GLRA3: variants seen among roughly 807,000 people sequenced by gnomAD.
GLRA3 encodes glycine receptor subunit alpha-3.
In GLRA3, 44 loss-of-function variants were observed where a neutral mutation model predicts 60.4. The ratio of observed to expected loss-of-function variants is 0.73; its 90% CI spans 0.57 to 0.94. The LOEUF (loss-of-function observed/expected upper bound fraction) is 0.94, where lower values mean the gene tolerates loss of function less well. Among genes scored for constraint, GLRA3 ranks in the 40% least tolerant of loss-of-function variants. The pLI is 0.00. For missense variants in GLRA3, 508 were observed against 564.6 expected, an observed-to-expected ratio of 0.90 and a Z score of 1.02; for synonymous variants, 223 against 192.9, an observed-to-expected ratio of 1.16 and a Z score of -1.29.
chr4:174,697,593 C>G (rs536249057), intron 5 of GLRA3, among the ~76,000 whole-genome samples: 1 of 152,290 alleles, frequency 6.6e-6, no homozygotes, highest in South Asian at 2.1e-4. Context: ...TAAGCATCTT[C>G]TTAGCAATTA....
chr4:174,713,197 C>T (rs1254956527), intron 5 of GLRA3, among the ~76,000 whole-genome samples: 1 of 151,962 alleles, frequency 6.6e-6, no homozygotes, highest in South Asian at 2.1e-4. Context: ...TATTAAAGAA[C>T]CCCTTGAACA....
chr4:174,642,698 G>C lies in GLRA3; in HGVS notation c.*1088C>G, dbSNP rs10015191. ...ATAGAAAAAGAGTCCTCACTTTATA[G>C]AAATGACTTACTTATATCATTTAAA... On this transcript the variant is annotated 3_prime_UTR_variant, in exon 10 of 10. Coordinates refer to ENST00000274093, the MANE Select transcript of GLRA3 (RefSeq NM_006529.4). The C allele has an allele frequency of 1.7e-3, 1,283 of 733,550 alleles. 11 individuals carry two copies. In the African/African-American group the frequency reaches 0.022, roughly 13 times the overall value. 45.4% of individuals were successfully genotyped at this position (733,550 alleles called of 1,614,324 possible).
chr4:174,795,646 A>G (rs1196621742), intron 1 of GLRA3, among the ~76,000 whole-genome samples: 2 of 152,232 alleles, frequency 1.3e-5, no homozygotes, highest in Non-Finnish European at 2.9e-5. Context: ...ATCCTTTCTT[A>G]TACCATAATG....
intron 5 of GLRA3, among the ~76,000 whole-genome samples, chr4:174,691,359 G>A (rs1280980725): frequency 6.6e-6 from 1 of 151,930 alleles, no homozygotes; most frequent in African/African-American, 2.4e-5. Context: ...AAAAGTGTCT[G>A]TTTGTCCCCT....
At chr4:174,766,500 T>C (rs1044141079) in intron 3 of GLRA3, among the ~76,000 whole-genome samples, 4 of 152,148 alleles carry the variant, frequency 2.6e-5, no homozygotes, top group African/African-American at 9.6e-5. Flanking sequence ...TAAAATGTTT[T>C]CAAATACAGT....
chr4:174,747,895 CAATA>C (rs1399555984), intron 3 of GLRA3, among the ~76,000 whole-genome samples: 3 of 152,072 alleles, frequency 2.0e-5, no homozygotes, highest in Non-Finnish European at 4.4e-5. Flanking sequence ...TATGCTGTTC[CAATA>C]ACATTATAGC....
At chr4:174,675,202 A>C (rs572410436) in intron 7 of GLRA3, among the ~76,000 whole-genome samples, 1 of 152,262 alleles carries the variant, frequency 6.6e-6, no homozygotes, top group East Asian at 1.9e-4. Context: ...GACTTTGTAC[A>C]CATGTATGTG....
chr4:174,699,901 A>T (rs2111043910), intron 5 of GLRA3, among the ~76,000 whole-genome samples: 1 of 151,750 alleles, frequency 6.6e-6, no homozygotes, highest in East Asian at 1.9e-4. Flanking sequence ...TTTAATTAAT[A>T]ATTTGTTAAA....
In GLRA3 at chr4:174,778,490, G is replaced by A. The variant is rs141980586; in HGVS notation, c.199+10326C>T. ...GGGATGAGCCAAGATGGCCGAATAG[G>A]AACAGCTCCTGTCTACAGCTCCCAG... On this transcript the variant is annotated intron_variant, in intron 2 of 9. Coordinates refer to ENST00000274093, the MANE Select transcript of GLRA3 (RefSeq NM_006529.4). 4.2e-3 allele frequency among the ~76,000 whole-genome samples: 645 copies of A among 152,244 alleles called. 3 individuals carry two copies. The highest frequency in any genetic ancestry group is 0.017 in the Middle Eastern group (5 of 294).
chr4:174,826,490 T>C (rs1336978036), intron 1 of GLRA3, among the ~76,000 whole-genome samples: 2 of 152,162 alleles, frequency 1.3e-5, no homozygotes, highest in Non-Finnish European at 2.9e-5. Flanking sequence ...TGCTGAACTG[T>C]AGTCTCTTCA....
chr4:174,729,985 T>A (rs1736491152), intron 3 of GLRA3, among the ~76,000 whole-genome samples: 1 of 152,174 alleles, frequency 6.6e-6, no homozygotes, highest in Non-Finnish European at 1.5e-5. Flanking sequence ...AATCTGTACA[T>A]CCTCTTGATC....
intron 7 of GLRA3, among the ~76,000 whole-genome samples, chr4:174,665,237 C>CTTTTTTTT (rs34499494): frequency 7.8e-6 from 1 of 127,484 alleles, no homozygotes; most frequent in Admixed American, 7.9e-5. Context: ...TTTGTATTTA[C>CTTTTTTTT]TTTTTTTTTT....
At chr4:174,726,415 G>A (rs1410358940) in intron 4 of GLRA3, among the ~76,000 whole-genome samples, 1 of 152,194 alleles carries the variant, frequency 6.6e-6, no homozygotes, top group Non-Finnish European at 1.5e-5. Flanking sequence ...TGTCTTAAGG[G>A]GGATTGCATT....
chr4:174,670,616 T>C (rs1362020868), intron 7 of GLRA3, among the ~76,000 whole-genome samples: 1 of 152,214 alleles, frequency 6.6e-6, no homozygotes. Context: ...TTAAAGTTTA[T>C]GATTCGGCCA....
chr4:174,755,461 A>C (rs1196859957), intron 3 of GLRA3, among the ~76,000 whole-genome samples: 1 of 152,158 alleles, frequency 6.6e-6, no homozygotes, highest in Non-Finnish European at 1.5e-5. Flanking sequence ...AAATTAGCAT[A>C]AGGAGAAAAG....
rs3059164 is a variant in GLRA3, at chr4:174,793,423, CATTTATTTATTT to C, written c.72-4492_72-4481del. ...CTTAAGTAATGTCAAAATTTACATT[CATTTATTTATTT>C]ATTTATTTATTTATTTATTTATTTA... On this transcript the variant is annotated intron_variant, in intron 1 of 9. Coordinates refer to ENST00000274093, the MANE Select transcript of GLRA3 (RefSeq NM_006529.4). 2.4e-4 allele frequency among the ~76,000 whole-genome samples: 29 copies of C among 120,094 alleles called. 1 individual carries two copies. The East Asian group carries it at 3.2e-3, about 13-fold the overall frequency. The allele number at this position is 120,094 out of a possible 152,430, so 78.8% of individuals were successfully genotyped here.
At chr4:174,724,071 T>C (rs1736228249) in intron 4 of GLRA3, among the ~76,000 whole-genome samples, 1 of 151,098 alleles carries the variant, frequency 6.6e-6, no homozygotes, top group Non-Finnish European at 1.5e-5. Flanking sequence ...TGTATATATA[T>C]ATGTATATAT....
intron 2 of GLRA3, among the ~76,000 whole-genome samples, chr4:174,787,064 T>G (rs559091628): frequency 7.2e-5 from 11 of 152,140 alleles, no homozygotes; most frequent in Non-Finnish European, 1.0e-4. Flanking sequence ...AATCACATTT[T>G]TAAATAGTTT....
chr4:174,798,686 A>C (rs1029282383), intron 1 of GLRA3, among the ~76,000 whole-genome samples: 1 of 152,240 alleles, frequency 6.6e-6, no homozygotes, highest in Non-Finnish European at 1.5e-5. Flanking sequence ...GCACTTTGGG[A>C]GGCCAAGGCG....
Sources: gnomAD v4.1 joint callset for allele counts (sites outside exome capture counted in the v4.1 genomes callset) on GRCh38, gnomAD v4.1.1 for gene constraint, MANE v1.5 for transcripts, NCBI Gene and HGNC (gene_info 2026-07-23, HGNC 2026-07-21) for gene names.